The following DNAH17 variants were observed in gnomAD, a reference collection of about 807,000 sequenced individuals.
DNAH17 encodes the protein axonemal beta dynein heavy chain 17.
Under a neutral mutation model 485.6 loss-of-function variants are expected in DNAH17, and 376 were observed. The observed-to-expected ratio is 0.77, with a 90% confidence interval of 0.71 to 0.84. DNAH17 has a LOEUF of 0.84. Among genes scored for constraint, DNAH17 ranks in the 40% least tolerant of loss-of-function variants. The pLI, the probability that DNAH17 is intolerant of heterozygous loss-of-function variation, is 0.00. For missense variants in DNAH17, 6,370 were observed against 5,839.3 expected (o/e 1.09, Z -2.96); for synonymous variants, 3,031 against 2,405.9 (o/e 1.26, Z -7.60).
At chr17:78,467,037 C>A (rs942603409) in intron 55 of DNAH17, among the ~76,000 whole-genome samples, 2 of 152,216 alleles carry the variant, frequency 1.3e-5, no homozygotes, top group Non-Finnish European at 2.9e-5. Flanking sequence ...CAGTCCCAAT[C>A]CCTCTGGAAG....
chr17:78,549,710 G>A (rs1296169852), intron 16 of DNAH17, among the ~76,000 whole-genome samples: 36 of 152,180 alleles, frequency 2.4e-4, no homozygotes, highest in Admixed American at 2.4e-3. Flanking sequence ...CTCTGTAGCG[G>A]GTGGTGGGCA....
At chr17:78,567,215 C>A in intron 9 of DNAH17, 49 bp from the exon 10 acceptor site, 1 of 1,550,282 alleles carries the variant, frequency 6.5e-7, no homozygotes. Context: ...ACCCAACTCA[C>A]GGGTCCAGTT....
intron 13 of DNAH17, among the ~76,000 whole-genome samples, chr17:78,558,547 T>TGGG (rs2092080921): frequency 5.9e-5 from 9 of 151,910 alleles, no homozygotes; most frequent in African/African-American, 9.6e-5. Context: ...GACATCATCA[T>TGGG]TGCATGTGTA....
chr17:78,568,818 G>A (rs568780922), intron 9 of DNAH17, among the ~76,000 whole-genome samples: 5 of 152,328 alleles, frequency 3.3e-5, no homozygotes, highest in African/African-American at 1.2e-4. Flanking sequence ...TTGCACGGGG[G>A]CCTTCATAAG....
intron 19 of DNAH17, among the ~76,000 whole-genome samples, chr17:78,536,726 T>C (rs2091384084): frequency 6.6e-6 from 1 of 151,642 alleles, no homozygotes; most frequent in Admixed American, 6.6e-5. Context: ...TTGGGAAAGG[T>C]TACCCTCTTG....
intron 37 of DNAH17, among the ~76,000 whole-genome samples, chr17:78,498,668 C>T (rs7215633): frequency 0.23 from 35,276 of 152,162 alleles, 4,304 homozygotes; most frequent in South Asian, 0.34. Context: ...TCTTTCTTTC[C>T]TGCCATTCCC....
At chr17:78,509,924 G>A (rs2090587617) in intron 27 of DNAH17, among the ~76,000 whole-genome samples, 1 of 152,222 alleles carries the variant, frequency 6.6e-6, no homozygotes, top group Non-Finnish European at 1.5e-5. Flanking sequence ...GCTCACGCCT[G>A]TAATCCTAGC....
chr17:78,556,945 C>T (rs541342984), intron 14 of DNAH17, among the ~76,000 whole-genome samples: 11 of 152,204 alleles, frequency 7.2e-5, no homozygotes, highest in Admixed American at 2.6e-4. Flanking sequence ...CATTGCCCTC[C>T]GGTTCCCGAC....
At chr17:78,473,815 A>G (rs1228035078) in intron 54 of DNAH17, among the ~76,000 whole-genome samples, 1 of 152,208 alleles carries the variant, frequency 6.6e-6, no homozygotes. Flanking sequence ...AGAGACTTCA[A>G]TGGAGAAAGC....
At chr17:78,472,367 G>A (rs1031881334) in intron 54 of DNAH17, among the ~76,000 whole-genome samples, 1 of 151,964 alleles carries the variant, frequency 6.6e-6, no homozygotes, top group African/African-American at 2.4e-5. Flanking sequence ...GGAGTGGCGG[G>A]TGCGAGACAC....
intron 31 of DNAH17, 77 bp downstream of exon 31, chr17:78,505,216 C>T: frequency 6.3e-7 from 1 of 1,575,602 alleles, no homozygotes. Flanking sequence ...CCGGACATCG[C>T]CATCTGAGGG....
intron 17 of DNAH17, among the ~76,000 whole-genome samples, chr17:78,543,536 C>T (rs976873428): frequency 3.3e-5 from 5 of 151,430 alleles, no homozygotes; most frequent in African/African-American, 9.7e-5. Context: ...ATGATCCACC[C>T]GCCTCGGCCT....
intron 3 of DNAH17, among the ~76,000 whole-genome samples, chr17:78,572,298 C>G (rs1011371326): frequency 6.6e-6 from 1 of 152,122 alleles, no homozygotes; most frequent in South Asian, 2.1e-4. Flanking sequence ...CACAGACTTG[C>G]ATGTACCTGC....
At chr17:78,534,417 T>C (rs932125186) in intron 19 of DNAH17, among the ~76,000 whole-genome samples, 5 of 152,082 alleles carry the variant, frequency 3.3e-5, no homozygotes, top group African/African-American at 1.2e-4. Flanking sequence ...ATGTAAGTTG[T>C]GGATGGAAAG....
At chr17:78,528,942 CATTTTGTATTTTTTTTTTTT>C (rs2091151627) in intron 22 of DNAH17, among the ~76,000 whole-genome samples, 1 of 132,468 alleles carries the variant, frequency 7.5e-6, no homozygotes, top group South Asian at 2.4e-4. Context: ...GACATAAAGG[CATTTTGTATTTTTTTTTTTT>C]TTTAAGACAG....
chr17:78,450,769 C>T lies in DNAH17; in HGVS notation c.10812G>A (p.Ser3604=), dbSNP rs748903580. 5.4e-5 allele frequency: 87 copies of T among 1,613,922 alleles called. No individual in the cohort carries two copies. The highest frequency in any genetic ancestry group is 3.3e-4 in the Middle Eastern group (2 of 6,082). The stretch of plus-strand genomic sequence containing the variant: ...CTCCCAGAAAGTTCCCCGACGCAGC[C>T]GACAGACGGGCCAGGAGCGAATCTT... The part of the protein sequence containing the change: ...ELEDSLLARL[S]AASGNFLGDT... Residue 3604 remains serine, a synonymous_variant, in exon 67 of 81, where the codon TCG becomes TCA. Coordinates refer to ENST00000389840, the MANE Select transcript of DNAH17 (RefSeq NM_173628.4).
At chr17:78,478,149 CATCACCATT>C (rs2089155947) in intron 51 of DNAH17, among the ~76,000 whole-genome samples, 1 of 150,732 alleles carries the variant, frequency 6.6e-6, no homozygotes, top group Non-Finnish European at 1.5e-5. Context: ...ACATCACCAT[CATCACCATT>C]ACCACCATAA....
Position 78,492,847 on chromosome 17 carries a change from C to A in DNAH17, c.6409-82G>T, listed in dbSNP as rs983470427. 9.0e-5 allele frequency: 38 copies of A among 420,952 alleles called. 1 individual carries two copies. The South Asian group carries it at 1.7e-3, about 19-fold the overall frequency. 26.1% of individuals were successfully genotyped at this position (420,952 alleles called of 1,614,324 possible). On this transcript the variant is annotated intron_variant, in intron 41 of 80. Coordinates refer to ENST00000389840, the MANE Select transcript of DNAH17 (RefSeq NM_173628.4). Reference sequence around the variant, plus strand: ...CACTAGCCTCAGGACCATGGGTGGGCCTGGATGGTTTTTTTTTTTTTGAGA... The same window carrying A: ...CACTAGCCTCAGGACCATGGGTGGGACTGGATGGTTTTTTTTTTTTTGAGA...
intron 26 of DNAH17, among the ~76,000 whole-genome samples, chr17:78,512,183 T>A (rs556358520): frequency 6.6e-6 from 1 of 152,310 alleles, no homozygotes; most frequent in Non-Finnish European, 1.5e-5. Context: ...TAGGTACGGA[T>A]CTCTTGGGAA....
Sources: gnomAD v4.1 joint callset for allele counts (sites outside exome capture counted in the v4.1 genomes callset) on GRCh38, gnomAD v4.1.1 for gene constraint, MANE v1.5 for transcripts, NCBI Gene and HGNC (gene_info 2026-07-23, HGNC 2026-07-21) for gene names.